The following SH2B3 variants were observed in gnomAD, a reference collection of about 807,000 sequenced individuals.
SH2B3 encodes SH2B adaptor protein 3, also known as SH2B adapter protein 3.
Under a neutral mutation model 51.9 loss-of-function variants are expected in SH2B3, and 43 were observed. The ratio of observed to expected loss-of-function variants is 0.83; its 90% CI spans 0.65 to 1.07. The LOEUF is 1.07. SH2B3 is among the 50% of genes least tolerant of loss of function. SH2B3 has a pLI of 0.00. For synonymous variants in SH2B3, 396 were observed against 376.0 expected, an observed-to-expected ratio of 1.05 and a Z score of -0.62; for missense variants, 952 against 834.3, an observed-to-expected ratio of 1.14 and a Z score of -1.74.
chr12:111,416,989 G>A (rs772530394), intron 1 of SH2B3, among the ~76,000 whole-genome samples: 3 of 152,200 alleles, frequency 2.0e-5, no homozygotes, highest in Non-Finnish European at 2.9e-5. Flanking sequence ...CAAAATGTTT[G>A]TGTACACATA....
Position 111,406,302 on chromosome 12 carries a change from C to T in SH2B3, c.-28+25C>T, listed in dbSNP as rs1032523838. 6.6e-6 allele frequency: 1 copy of T among 152,242 alleles called. No individual in the cohort carries two copies. The allele number at this position is 152,242 out of a possible 1,614,324, so 9.4% of individuals were successfully genotyped here. A position where few individuals can be genotyped will look rare whatever the true frequency, so the allele number is the denominator to read the frequency against. ...GGTGAGCCCGCGTTTGCCCGCGCTC[C>T]CCTCCTCCGGGGCCGGGAGGGCTTT... On this transcript the variant is annotated intron_variant, in intron 1 of 7. Coordinates refer to ENST00000341259, the MANE Select transcript of SH2B3 (RefSeq NM_005475.3). The surrounding 1 kb of genome is among the most constrained non-coding windows in gnomAD (Gnocchi z 5.7).
At chr12:111,425,788 T>G (rs1339038048) in intron 2 of SH2B3, among the ~76,000 whole-genome samples, 1 of 151,990 alleles carries the variant, frequency 6.6e-6, no homozygotes, top group African/African-American at 2.4e-5. Context: ...TGATTTCCTC[T>G]AGAGACCTCC....
chr12:111,416,004 T>C (rs1871057496), intron 1 of SH2B3, among the ~76,000 whole-genome samples: 3 of 152,004 alleles, frequency 2.0e-5, no homozygotes, highest in Admixed American at 2.0e-4. Flanking sequence ...TCCAGTGGCG[T>C]GATCTCGGCT....
In SH2B3 at chr12:111,449,449, A is replaced by G. The variant is rs1219091515; in HGVS notation, c.*1147A>G. On this transcript the variant is annotated 3_prime_UTR_variant, in exon 8 of 8. Coordinates refer to ENST00000341259, the MANE Select transcript of SH2B3 (RefSeq NM_005475.3). Reference sequence around the variant, plus strand: ...GAAACTCCTTTAATAGCCCACAATCAGTGTTCTGTTCTAGCTGGCTACTGC... The same window carrying G: ...GAAACTCCTTTAATAGCCCACAATCGGTGTTCTGTTCTAGCTGGCTACTGC... 6.6e-6 allele frequency: 1 copy of G among 152,182 alleles called. No individual in the cohort carries two copies. The highest frequency in any genetic ancestry group is 2.4e-5 in the African/African-American group (1 of 41,422). The allele number at this position is 152,182 out of a possible 1,614,324, so 9.4% of individuals were successfully genotyped here.
chr12:111,410,280 G>C lies in SH2B3; in HGVS notation c.-28+4003G>C, dbSNP rs1315369094. Among the ~76,000 whole-genome samples, 1 of 152,212 alleles carries C rather than the reference G, an allele frequency of 6.6e-6. No homozygotes were observed. The highest frequency in any genetic ancestry group is 1.5e-5 in the Non-Finnish European group (1 of 68,030). The stretch of plus-strand genomic sequence containing the variant: ...AGCTCACACACTGGTGTCATCTCAA[G>C]GAGGAGAGGCCCAGAGAGGGCAGTG... On this transcript the variant is annotated intron_variant, in intron 1 of 7. Coordinates refer to ENST00000341259, the MANE Select transcript of SH2B3 (RefSeq NM_005475.3). This position sits in a 1 kb window ranked among gnomAD's most constrained non-coding sequence, Gnocchi z 4.9.
chr12:111,451,270 C>G lies in SH2B3; in HGVS notation c.*2968C>G, dbSNP rs1164870586. ...TATTTTTACATAACAGTTTCTTAAC[C>G]TAAAGTCAAGGCCTTGGACTCTTCC... On this transcript the variant is annotated 3_prime_UTR_variant, in exon 8 of 8. Transcript: ENST00000341259. The G allele has an allele frequency of 2.0e-5, 3 of 152,626 alleles. No individual in the cohort carries two copies. Among genetic ancestry groups the G allele is most frequent in the Non-Finnish European group, 4.4e-5 (3 of 68,048 alleles). 9.5% of individuals were successfully genotyped at this position (152,626 alleles called of 1,614,324 possible).
At chr12:111,428,102 C>T (rs1593050533) in intron 2 of SH2B3, among the ~76,000 whole-genome samples, 1 of 152,232 alleles carries the variant, frequency 6.6e-6, no homozygotes, top group Non-Finnish European at 1.5e-5. Context: ...GTTTTGGGCT[C>T]TTGGACTAGG....
At chr12:111,416,762 G>A (rs1233604145) in intron 1 of SH2B3, among the ~76,000 whole-genome samples, 2 of 152,194 alleles carry the variant, frequency 1.3e-5, no homozygotes, top group East Asian at 3.8e-4. Flanking sequence ...CCAGAGTGCT[G>A]GGATTACAGG....
intron 2 of SH2B3, among the ~76,000 whole-genome samples, chr12:111,420,940 G>A (rs891321920): frequency 2.0e-5 from 3 of 152,172 alleles, no homozygotes; most frequent in African/African-American, 7.2e-5. Context: ...ACCTGGAAGT[G>A]CGTGAAGTAT....
rs1180413931 is a variant in SH2B3 at position 111,425,991 on chromosome 12, G to C, written c.732+7114G>C. Among the ~76,000 whole-genome samples, 3 of 152,220 alleles carry C rather than the reference G, an allele frequency of 2.0e-5. No individual in the cohort carries two copies. In the East Asian group the frequency reaches 5.8e-4, roughly 29 times the overall value. On this transcript the variant is annotated intron_variant, in intron 2 of 7. Transcript: ENST00000341259. ...AGTTTTATGTGACATGTAGCTTTCA[G>C]GAATGAAGACCGAAAGACCCCAGGA... is the stretch of plus-strand genomic sequence containing the variant.
At chr12:111,434,955 C>T in intron 2 of SH2B3, 1 of 1,535,520 alleles carries the variant, frequency 6.5e-7, no homozygotes, top group Admixed American at 2.0e-5. Context: ...CTGGCTGTGC[C>T]AGTTGGCTGG....
intron 2 of SH2B3, among the ~76,000 whole-genome samples, chr12:111,445,649 G>A (rs1009970117): frequency 5.3e-5 from 8 of 152,228 alleles, no homozygotes; most frequent in East Asian, 1.9e-4. Flanking sequence ...GAGCAGGCCC[G>A]GGAGCTCCCA....
chr12:111,446,637 A>C, intron 2 of SH2B3, 116 bp from the exon 3 acceptor site: 1 of 619,312 alleles, frequency 1.6e-6, no homozygotes. Context: ...GCCCAGCAAC[A>C]CCATGGATAC....
intron 2 of SH2B3, among the ~76,000 whole-genome samples, chr12:111,439,398 C>A (rs1268208198): frequency 6.6e-6 from 1 of 152,218 alleles, no homozygotes; most frequent in African/African-American, 2.4e-5. Flanking sequence ...ATCTGCCTTG[C>A]CTCGGCCTCC....
chr12:111,446,690 C>A, intron 2 of SH2B3, 63 bp from the exon 3 acceptor site: 1 of 915,896 alleles, frequency 1.1e-6, no homozygotes, highest in Non-Finnish European at 1.7e-6. Context: ...TAGACAAACT[C>A]AGGCCTGGCT....
intron 2 of SH2B3, chr12:111,434,737 A>T: frequency 7.1e-7 from 1 of 1,409,412 alleles, no homozygotes; most frequent in Non-Finnish European, 9.3e-7. Context: ...ACTTTTAATT[A>T]TTTAATCCAG....
chr12:111,427,860 T>C (rs1872140706), intron 2 of SH2B3, among the ~76,000 whole-genome samples: 1 of 152,268 alleles, frequency 6.6e-6, no homozygotes, highest in Admixed American at 6.5e-5. Context: ...TCATTTTATC[T>C]TCACAGCAGC....
rs755117166 is a variant in SH2B3 at position 111,418,570 on chromosome 12, T to A, written c.425T>A (p.Leu142His). Residue 142 changes from leucine to histidine, a missense_variant, in exon 2 of 8, where the codon CTC (leucine) becomes CAC (histidine). Leu to His is a moderately conservative substitution (Grantham distance 99, BLOSUM62 -3). Transcript: ENST00000341259. This position sits in a 1 kb window ranked among gnomAD's most constrained non-coding sequence, Gnocchi z 6.7. ...TCCTTCCAGCACTTTCGCCGCAGCCTCCGCCACATCTTCCGCCGCCGCTCG... is the reference window on the plus strand; with the variant it reads ...TCCTTCCAGCACTTTCGCCGCAGCCACCGCCACATCTTCCGCCGCCGCTCG... ...PCSFQHFRRS[L>H]RHIFRRRSAG... 1 of 1,476,932 alleles carries A rather than the reference T, an allele frequency of 6.8e-7. No homozygotes were observed. Among genetic ancestry groups the A allele is most frequent in the Non-Finnish European group, 8.9e-7 (1 of 1,120,094 alleles). The allele number at this position is 1,476,932 out of a possible 1,614,324, so 91.5% of individuals were successfully genotyped here.
At chr12:111,417,653 C>T (rs1871188997) in intron 1 of SH2B3, among the ~76,000 whole-genome samples, 2 of 151,818 alleles carry the variant, frequency 1.3e-5, no homozygotes, top group African/African-American at 4.8e-5. Context: ...GATGGGCTTT[C>T]ACCATGTTGC....
Sources: gnomAD v4.1 joint callset for allele counts (sites outside exome capture counted in the v4.1 genomes callset) on GRCh38, gnomAD v4.1.1 for gene constraint, Gnocchi (gnomAD v3.1) non-coding constraint, MANE v1.5 for transcripts, NCBI Gene and HGNC (gene_info 2026-07-23, HGNC 2026-07-21) for gene names.